The following HS6ST3 variants were observed in gnomAD, a reference collection of about 807,000 sequenced individuals.
HS6ST3 encodes the protein heparan-sulfate 6-O-sulfotransferase 3.
A neutral mutation model predicts 36.7 loss-of-function variants in HS6ST3; 12 were observed. The observed-to-expected ratio is 0.33, with a 90% CI of 0.21 to 0.53. The LOEUF (loss-of-function observed/expected upper bound fraction) is 0.53. Among genes scored for constraint, HS6ST3 ranks in the 20% least tolerant of loss-of-function variants. HS6ST3 has a pLI of 0.95. For synonymous variants in HS6ST3, 240 were observed against 257.5 expected (o/e 0.93, Z 0.65); for missense variants, 584 against 640.9 (o/e 0.91, Z 0.96).
chr13:96,625,761 A>C (rs1470440670), intron 1 of HS6ST3, among the ~76,000 whole-genome samples: 1 of 151,504 alleles, frequency 6.6e-6, no homozygotes, highest in East Asian at 1.9e-4. Context: ...CACATATATG[A>C]GTTGCAAAGA....
intron 1 of HS6ST3, among the ~76,000 whole-genome samples, chr13:96,424,825 TAAA>T (rs2055578555): frequency 6.6e-6 from 1 of 152,142 alleles, no homozygotes; most frequent in African/African-American, 2.4e-5. Context: ...GATCACATAA[TAAA>T]ATAAACATAA....
intron 1 of HS6ST3, among the ~76,000 whole-genome samples, chr13:96,565,074 T>C (rs1449616070): frequency 1.3e-5 from 2 of 151,852 alleles, no homozygotes; most frequent in African/African-American, 4.8e-5. Flanking sequence ...TCGGGACTTC[T>C]GCTTGACATA....
At chr13:96,111,745 C>G (rs189198701) in intron 1 of HS6ST3, among the ~76,000 whole-genome samples, 1 of 152,238 alleles carries the variant, frequency 6.6e-6, no homozygotes, top group African/African-American at 2.4e-5. Context: ...ATGAAAATAT[C>G]TCATTCACTG....
intron 1 of HS6ST3, among the ~76,000 whole-genome samples, chr13:96,601,199 G>A (rs1444053556): frequency 6.6e-6 from 1 of 151,834 alleles, no homozygotes; most frequent in Non-Finnish European, 1.5e-5. Flanking sequence ...TCTTGTATTT[G>A]GATATCTAAA....
At chr13:96,109,633 A>T (rs2053858577) in intron 1 of HS6ST3, among the ~76,000 whole-genome samples, 1 of 152,170 alleles carries the variant, frequency 6.6e-6, no homozygotes, top group Non-Finnish European at 1.5e-5. Flanking sequence ...AAGTAAAATA[A>T]GTTGCACTGG....
chr13:96,103,033 T>G (rs1009888981), intron 1 of HS6ST3, among the ~76,000 whole-genome samples: 8 of 152,190 alleles, frequency 5.3e-5, no homozygotes, highest in Non-Finnish European at 1.2e-4. Context: ...TAAAATTAAT[T>G]TTAAAAATCC....
intron 1 of HS6ST3, among the ~76,000 whole-genome samples, chr13:96,231,364 T>C (rs2054507254): frequency 6.6e-6 from 1 of 152,156 alleles, no homozygotes; most frequent in South Asian, 2.1e-4. Context: ...TGCCTAAGAA[T>C]AGGCAATTTA....
intron 1 of HS6ST3, among the ~76,000 whole-genome samples, chr13:96,223,659 G>C (rs1260429540): frequency 6.6e-5 from 10 of 151,962 alleles, no homozygotes; most frequent in Non-Finnish European, 1.3e-4. Context: ...GATATGGGGG[G>C]GGGGAAGTTT....
chr13:96,195,017 G>C (rs1326111768), intron 1 of HS6ST3, among the ~76,000 whole-genome samples: 1 of 152,072 alleles, frequency 6.6e-6, no homozygotes, highest in Non-Finnish European at 1.5e-5. Flanking sequence ...TATTTTTAAT[G>C]GTTATTTTAA....
At chr13:96,513,724 G>T (rs1005756120) in intron 1 of HS6ST3, among the ~76,000 whole-genome samples, 1 of 152,080 alleles carries the variant, frequency 6.6e-6, no homozygotes, top group African/African-American at 2.4e-5. Context: ...GAAATGCATT[G>T]TCAGGTGATT....
At chr13:96,128,715 C>T (rs1300224056) in intron 1 of HS6ST3, among the ~76,000 whole-genome samples, 2 of 152,190 alleles carry the variant, frequency 1.3e-5, no homozygotes, top group African/African-American at 2.4e-5. Context: ...CACATTCTCT[C>T]TCTTCCAAAA....
At chr13:96,729,551 G>T (rs912455958) in intron 1 of HS6ST3, among the ~76,000 whole-genome samples, 11 of 152,098 alleles carry the variant, frequency 7.2e-5, no homozygotes, top group African/African-American at 2.2e-4. Flanking sequence ...CTGCCTCCTA[G>T]GTTCAAGCGA....
chr13:96,294,304 G>T (rs2054844235), intron 1 of HS6ST3, among the ~76,000 whole-genome samples: 1 of 152,130 alleles, frequency 6.6e-6, no homozygotes, highest in Non-Finnish European at 1.5e-5. Context: ...AATACCTTCT[G>T]TTGATATTTC....
At chr13:96,545,622 A>G (rs1012979931) in intron 1 of HS6ST3, among the ~76,000 whole-genome samples, 2 of 152,194 alleles carry the variant, frequency 1.3e-5, no homozygotes, top group Admixed American at 6.5e-5. Context: ...CTATAAGGAG[A>G]TAATGTATCC....
At chr13:96,544,078 C>A (rs1271422102) in intron 1 of HS6ST3, among the ~76,000 whole-genome samples, 1 of 152,002 alleles carries the variant, frequency 6.6e-6, no homozygotes, top group African/African-American at 2.4e-5. Flanking sequence ...CATGAACTCA[C>A]CCTACATCCA....
In HS6ST3 at chr13:96,471,917, C is replaced by T. The variant is rs181413465; in HGVS notation, c.708-360573C>T. Among the ~76,000 whole-genome samples, 271 of 152,240 alleles carry T rather than the reference C, an allele frequency of 1.8e-3. 2 individuals carry two copies. The highest frequency in any genetic ancestry group is 6.3e-3 in the African/African-American group (262 of 41,548). On this transcript the variant is annotated intron_variant, in intron 1 of 1. Transcript: ENST00000376705. ...TGGGTATGTAGGAGCTGAGGTTTGG[C>T]TCATTTTGGCTGAGGTTGGTTGGGT...
At chr13:96,433,732 C>T (rs552455913) in intron 1 of HS6ST3, among the ~76,000 whole-genome samples, 2 of 152,060 alleles carry the variant, frequency 1.3e-5, no homozygotes, top group Non-Finnish European at 2.9e-5. Context: ...GTCCGGAATT[C>T]GAGACTGGCC....
At chr13:96,624,689 C>T (rs1042720812) in intron 1 of HS6ST3, among the ~76,000 whole-genome samples, 2 of 152,038 alleles carry the variant, frequency 1.3e-5, no homozygotes, top group African/African-American at 4.8e-5. Flanking sequence ...ATAAGTGAGA[C>T]ATGTGGTATT....
chr13:96,650,925 A>G (rs953613984), intron 1 of HS6ST3, among the ~76,000 whole-genome samples: 1 of 152,082 alleles, frequency 6.6e-6, no homozygotes, highest in Non-Finnish European at 1.5e-5. Flanking sequence ...GTGATACTAC[A>G]TCACAGAAAT....
Sources: allele counts gnomAD v4.1 joint callset (sites outside exome capture counted in the v4.1 genomes callset), GRCh38; gene constraint gnomAD v4.1.1; transcripts MANE v1.5; gene names NCBI Gene and HGNC (gene_info 2026-07-23, HGNC 2026-07-21).